MAP2K1: variants seen among roughly 807,000 people sequenced by gnomAD.
MAP2K1 encodes the protein mitogen-activated protein kinase kinase 1.
Under a neutral mutation model 46.3 loss-of-function variants are expected in MAP2K1, and 16 were observed. The ratio of observed to expected loss-of-function variants is 0.35; its 90% confidence interval spans 0.23 to 0.52. MAP2K1 has a LOEUF of 0.52. Ranked by LOEUF, MAP2K1 falls within the 20% of genes least tolerant of loss-of-function variation. The pLI is 0.94. For synonymous variants in MAP2K1, 183 were observed against 185.6 expected (o/e 0.99, Z 0.11); for missense variants, 263 against 497.1 (o/e 0.53, Z 4.48).
intron 1 of MAP2K1, among the ~76,000 whole-genome samples, chr15:66,398,255 A>G (rs559933043): frequency 6.6e-6 from 1 of 152,136 alleles, no homozygotes; most frequent in East Asian, 1.9e-4. Context: ...TGTCTCTACA[A>G]AAATACAAAA....
At chr15:66,465,472 A>G (rs1892439612) in intron 5 of MAP2K1, among the ~76,000 whole-genome samples, 1 of 152,212 alleles carries the variant, frequency 6.6e-6, no homozygotes. Context: ...AGTGTCTGTA[A>G]TCTATAGATA....
chr15:66,413,939 A>G (rs375589993), intron 1 of MAP2K1, among the ~76,000 whole-genome samples: 1 of 54,488 alleles, frequency 1.8e-5, no homozygotes, highest in Non-Finnish European at 4.0e-5. Flanking sequence ...CTGTAACCTT[A>G]TTTATGGTGA....
Position 66,490,868 on chromosome 15 carries a change from C to T in MAP2K1, c.*253C>T, listed in dbSNP as rs546295504. ...TTTGTGTGTATGCTGATGATCAAAA[C>T]CTGTGCCAGGCTGAATTACAGTGAA... On this transcript the variant is annotated 3_prime_UTR_variant, in exon 11 of 11. Coordinates refer to ENST00000307102, the MANE Select transcript of MAP2K1 (RefSeq NM_002755.4). The T allele has an allele frequency of 1.8e-6, 1 of 553,844 alleles. No homozygotes were observed. Among genetic ancestry groups the T allele is most frequent in the Admixed American group, 2.8e-5 (1 of 36,328 alleles). The allele number at this position is 553,844 out of a possible 1,614,324, so 34.3% of individuals were successfully genotyped here.
intron 5 of MAP2K1, chr15:66,444,917 A>T: frequency 1.8e-6 from 1 of 565,394 alleles, no homozygotes; most frequent in Non-Finnish European, 3.2e-6. Context: ...TATAGCTGTG[A>T]TGGACAATAG....
rs553924481 is a variant in MAP2K1, at chr15:66,489,959, C to T, written c.1068+196C>T. On this transcript the variant is annotated intron_variant, in intron 10 of 10. Transcript: ENST00000307102. ...TAAGGGAAAGCTGGGGTGACCCCCG[C>T]AGCCTGAGTAAGCATATGCCAGAGG... 1.0e-3 allele frequency: 656 copies of T among 656,550 alleles called. 6 individuals carry two copies. Among genetic ancestry groups the T allele is most frequent in the Middle Eastern group, 9.3e-3 (36 of 3,882 alleles). 40.7% of individuals were successfully genotyped at this position (656,550 alleles called of 1,614,324 possible).
intron 1 of MAP2K1, among the ~76,000 whole-genome samples, chr15:66,400,420 A>G (rs1194166320): frequency 6.6e-6 from 1 of 152,176 alleles, no homozygotes; most frequent in Non-Finnish European, 1.5e-5. Context: ...TGAGTCAAGC[A>G]GTGGTGAATC....
At chr15:66,444,605 ATT>A (rs753280041) in intron 4 of MAP2K1, 49 bp from the exon 5 acceptor site, 27 of 1,244,026 alleles carry the variant, frequency 2.2e-5, no homozygotes, top group Non-Finnish European at 3.0e-5. Flanking sequence ...TAGATTGAGT[ATT>A]TTTCTTATCA....
In MAP2K1 at chr15:66,422,905, C is replaced by G. The variant is rs1484165127; in HGVS notation, c.81-12122C>G. ...TCCTACAACTCTTGGATGCTCTGTT[C>G]TGATTTCTTTTATTCTTTTTTTTTG... On this transcript the variant is annotated intron_variant, in intron 1 of 10. Transcript: ENST00000307102. Among the ~76,000 whole-genome samples, 7 of 151,912 alleles carry G rather than the reference C, an allele frequency of 4.6e-5. No homozygotes were observed. The East Asian group carries it at 1.4e-3, about 29-fold the overall frequency.
At chr15:66,470,094 G>GTTTTTTTTTTTTTT (rs55637393) in intron 5 of MAP2K1, among the ~76,000 whole-genome samples, 1 of 76,602 alleles carries the variant, frequency 1.3e-5, no homozygotes, top group Non-Finnish European at 2.4e-5. Context: ...TTTTTTTCTT[G>GTTTTTTTTTTTTTT]TTTTTTTTTT....
At chr15:66,422,759 T>C (rs1028507913) in intron 1 of MAP2K1, among the ~76,000 whole-genome samples, 2 of 152,132 alleles carry the variant, frequency 1.3e-5, no homozygotes, top group Non-Finnish European at 2.9e-5. Flanking sequence ...TCTGGATGTT[T>C]GTTGTTTTTT....
intron 3 of MAP2K1, among the ~76,000 whole-genome samples, chr15:66,442,834 G>C (rs1038769551): frequency 6.6e-6 from 1 of 152,164 alleles, no homozygotes; most frequent in African/African-American, 2.4e-5. Context: ...GGACTCCCAT[G>C]ATCCTATCTT....
intron 1 of MAP2K1, among the ~76,000 whole-genome samples, chr15:66,420,871 G>A (rs2093439314): frequency 8.4e-6 from 1 of 119,742 alleles, no homozygotes; most frequent in South Asian, 2.4e-4. Context: ...ATATATATGT[G>A]TGTATATATA....
chr15:66,403,291 A>G (rs1019901451), intron 1 of MAP2K1, among the ~76,000 whole-genome samples: 1 of 152,132 alleles, frequency 6.6e-6, no homozygotes, highest in Admixed American at 6.6e-5. Flanking sequence ...ATTTTCAAGT[A>G]ATTATCTGAA....
In MAP2K1 at chr15:66,489,288, C is replaced by G. The variant is rs753580791; in HGVS notation, c.1022+12C>G. The G allele has an allele frequency of 6.2e-7, 1 of 1,611,712 alleles. No homozygotes were observed. The highest frequency in any genetic ancestry group is 1.7e-5 in the Admixed American group (1 of 60,022). Reference sequence around the variant, plus strand: ...TTTGTGAATAAATGGTAAGTTGGCTCCTTGTTCTCTGGAAGCGTATACTCT... The same window carrying G: ...TTTGTGAATAAATGGTAAGTTGGCTGCTTGTTCTCTGGAAGCGTATACTCT... On this transcript the variant is annotated intron_variant, in intron 9 of 10. Coordinates refer to ENST00000307102, the MANE Select transcript of MAP2K1 (RefSeq NM_002755.4).
Sources: allele counts gnomAD v4.1 joint callset (sites outside exome capture counted in the v4.1 genomes callset), GRCh38; gene constraint gnomAD v4.1.1; transcripts MANE v1.5; gene names NCBI Gene and HGNC (gene_info 2026-07-23, HGNC 2026-07-21).